The following CRY1 variants were observed in gnomAD, a reference collection of about 807,000 sequenced individuals.
CRY1 encodes the protein cryptochrome-1.
Under a neutral mutation model 76.0 loss-of-function variants are expected in CRY1, and 45 were observed. That is an observed-to-expected ratio of 0.59 (90% CI 0.47 to 0.76). The LOEUF (loss-of-function observed/expected upper bound fraction) is 0.76, where lower values mean the gene tolerates loss of function less well. Ranked by LOEUF, CRY1 falls within the 30% of genes least tolerant of loss-of-function variation. The pLI, the probability that CRY1 is intolerant of heterozygous loss-of-function variation, is 0.00. For missense variants in CRY1, 587 were observed against 716.4 expected (o/e 0.82, Z 2.06); for synonymous variants, 248 against 244.0 (o/e 1.02, Z -0.15).
At chr12:107,090,611 G>C (rs2136905538) in intron 1 of CRY1, among the ~76,000 whole-genome samples, 1 of 152,286 alleles carries the variant, frequency 6.6e-6, no homozygotes, top group Admixed American at 6.5e-5. Flanking sequence ...AACAGGGTGA[G>C]AATTGGGGGC....
At chr12:107,056,471 GC>G (rs1363301998) in intron 1 of CRY1, among the ~76,000 whole-genome samples, 2 of 152,214 alleles carry the variant, frequency 1.3e-5, no homozygotes, top group Non-Finnish European at 2.9e-5. Context: ...TCTAGAGCAA[GC>G]TTGCCCAACC....
In CRY1 at chr12:107,030,868, T is replaced by A. The variant is rs539947014; in HGVS notation, c.159-8676A>T. Among the ~76,000 whole-genome samples, 3 of 151,992 alleles carry A rather than the reference T, an allele frequency of 2.0e-5. No individual in the cohort carries two copies. In the South Asian group the frequency reaches 6.2e-4, roughly 31 times the overall value. On this transcript the variant is annotated intron_variant, in intron 1 of 12. Transcript: ENST00000008527. ...GTTGCTTAAGGTGATAAAGCAGAAA[T>A]GGGCAACCAAAGCAGAAAAAATAGT...
At chr12:107,034,952 A>G (rs142085741) in intron 1 of CRY1, among the ~76,000 whole-genome samples, 1 of 152,334 alleles carries the variant, frequency 6.6e-6, no homozygotes, top group Non-Finnish European at 1.5e-5. Context: ...CAGAAATTGT[A>G]TTAGTTCTTA....
chr12:107,034,716 G>A (rs538262327), intron 1 of CRY1, among the ~76,000 whole-genome samples: 2 of 152,102 alleles, frequency 1.3e-5, no homozygotes, highest in South Asian at 4.2e-4. Flanking sequence ...AACCTGTAAC[G>A]GAAGAGGAAG....
At chr12:107,009,585 T>TAA (rs1952419544) in intron 2 of CRY1, among the ~76,000 whole-genome samples, 1 of 88,920 alleles carries the variant, frequency 1.1e-5, no homozygotes, top group Non-Finnish European at 1.9e-5. Flanking sequence ...TATATATATA[T>TAA]ATATATATAT....
chr12:107,023,687 C>A (rs919895918), intron 1 of CRY1, among the ~76,000 whole-genome samples: 4 of 152,144 alleles, frequency 2.6e-5, no homozygotes, highest in African/African-American at 9.7e-5. Flanking sequence ...AAAGACATCC[C>A]ACCATTTCAC....
At chr12:107,046,074 C>A (rs182599872) in intron 1 of CRY1, among the ~76,000 whole-genome samples, 1 of 151,306 alleles carries the variant, frequency 6.6e-6, no homozygotes, top group Non-Finnish European at 1.5e-5. Context: ...TTGCAGTGAG[C>A]CGAGATTGCA....
intron 1 of CRY1, among the ~76,000 whole-genome samples, chr12:107,030,303 T>C (rs1952661163): frequency 6.6e-6 from 1 of 152,196 alleles, no homozygotes; most frequent in Non-Finnish European, 1.5e-5. Flanking sequence ...TTAAAAATGA[T>C]GGAATCTGAA....
chr12:107,020,706 G>A (rs534155743), intron 2 of CRY1, among the ~76,000 whole-genome samples: 3 of 152,144 alleles, frequency 2.0e-5, no homozygotes, highest in South Asian at 2.1e-4. Context: ...GCAGAACTGT[G>A]AGCCAATTAA....
intron 1 of CRY1, among the ~76,000 whole-genome samples, chr12:107,026,434 A>G (rs1289603518): frequency 1.3e-5 from 2 of 151,696 alleles, no homozygotes; most frequent in African/African-American, 4.8e-5. Flanking sequence ...GGGTTTCACC[A>G]TGTTGGCCAG....
chr12:107,082,781 A>G (rs1953343320), intron 1 of CRY1, among the ~76,000 whole-genome samples: 2 of 152,202 alleles, frequency 1.3e-5, no homozygotes, highest in Admixed American at 1.3e-4. Flanking sequence ...CACAATTAAA[A>G]GAACTACAGA....
At chr12:107,011,377 A>G (rs1041376201) in intron 2 of CRY1, among the ~76,000 whole-genome samples, 7 of 152,120 alleles carry the variant, frequency 4.6e-5, no homozygotes, top group South Asian at 4.1e-4. Flanking sequence ...AAAAAACAAA[A>G]AAGAAAGCTG....
chr12:107,027,647 T>C (rs1952631204), intron 1 of CRY1, among the ~76,000 whole-genome samples: 1 of 152,196 alleles, frequency 6.6e-6, no homozygotes, highest in African/African-American at 2.4e-5. Context: ...TCACTATCTA[T>C]TGCTGTTATT....
At chr12:107,021,434 C>T (rs1952557210) in intron 2 of CRY1, among the ~76,000 whole-genome samples, 1 of 152,108 alleles carries the variant, frequency 6.6e-6, no homozygotes, top group African/African-American at 2.4e-5. Flanking sequence ...CAAGTAAGTT[C>T]ACTGGCATTT....
chr12:107,064,921 G>A (rs904967319), intron 1 of CRY1, among the ~76,000 whole-genome samples: 15 of 152,094 alleles, frequency 9.9e-5, no homozygotes, highest in Non-Finnish European at 1.6e-4. Context: ...TTGAGGGAGG[G>A]GCAAAAGCTG....
chr12:107,059,577 TG>T (rs1953025160), intron 1 of CRY1, among the ~76,000 whole-genome samples: 1 of 151,690 alleles, frequency 6.6e-6, no homozygotes, highest in Non-Finnish European at 1.5e-5. Flanking sequence ...GAAAAAATAA[TG>T]GACAAGACTT....
chr12:106,996,804 C>T (rs1258048864), intron 10 of CRY1, among the ~76,000 whole-genome samples: 1 of 152,148 alleles, frequency 6.6e-6, no homozygotes, highest in East Asian at 1.9e-4. Flanking sequence ...TAAGAATTTA[C>T]ATGGTCACTA....
chr12:107,023,858 A>C (rs1199802308), intron 1 of CRY1, among the ~76,000 whole-genome samples: 1 of 152,214 alleles, frequency 6.6e-6, no homozygotes, highest in Non-Finnish European at 1.5e-5. Context: ...TCAGGGGAGA[A>C]GACTGTTGTT....
intron 1 of CRY1, among the ~76,000 whole-genome samples, chr12:107,071,455 T>C (rs1402675516): frequency 6.6e-6 from 1 of 152,220 alleles, no homozygotes; most frequent in Non-Finnish European, 1.5e-5. Flanking sequence ...TAAAATATGC[T>C]TCTGTATCCT....
Sources: allele counts gnomAD v4.1 joint callset (sites outside exome capture counted in the v4.1 genomes callset), GRCh38; gene constraint gnomAD v4.1.1; transcripts MANE v1.5; gene names NCBI Gene and HGNC (gene_info 2026-07-23, HGNC 2026-07-21).